BMPER: variants seen among roughly 807,000 people sequenced by gnomAD.
BMPER encodes BMP binding endothelial regulator, also known as BMP-binding endothelial regulator protein.
A neutral mutation model predicts 87.3 loss-of-function variants in BMPER; 45 were observed. The observed-to-expected ratio is 0.52, with a 90% CI of 0.41 to 0.66. The LOEUF is 0.66. BMPER is among the 30% of genes least tolerant of loss of function. The probability of loss-of-function intolerance (pLI) is 0.00; values close to 1 mark genes in which losing one functional copy is unlikely to be tolerated. For missense variants in BMPER, 784 were observed against 867.5 expected, an observed-to-expected ratio of 0.90 and a Z score of 1.21; for synonymous variants, 326 against 316.2, an observed-to-expected ratio of 1.03 and a Z score of -0.33.
At chr7:33,970,247 TCTC>T (rs756000829) in intron 4 of BMPER, 79 bp from the exon 5 acceptor site, 10 of 1,405,916 alleles carry the variant, frequency 7.1e-6, no homozygotes, top group East Asian at 2.3e-5. Context: ...CTTGAGCACT[TCTC>T]CTACTTAGGT....
At chr7:33,924,589 A>G (rs1249350694) in intron 2 of BMPER, among the ~76,000 whole-genome samples, 1 of 152,224 alleles carries the variant, frequency 6.6e-6, no homozygotes, top group Non-Finnish European at 1.5e-5. Flanking sequence ...TATCCAATAT[A>G]TTGACGTATT....
intron 6 of BMPER, among the ~76,000 whole-genome samples, chr7:33,980,063 C>CT (rs1389364525): frequency 6.6e-6 from 1 of 152,182 alleles, no homozygotes; most frequent in Non-Finnish European, 1.5e-5. Context: ...ATTTCACAAC[C>CT]TTTTGCTCTT....
chr7:33,958,077 T>G (rs1268803591), intron 3 of BMPER, among the ~76,000 whole-genome samples: 6 of 152,292 alleles, frequency 3.9e-5, no homozygotes, highest in South Asian at 2.1e-4. Context: ...TTGTTGGTTG[T>G]TTGTTGTCTT....
intron 6 of BMPER, among the ~76,000 whole-genome samples, chr7:34,012,363 G>T (rs904255870): frequency 6.6e-6 from 1 of 151,934 alleles, no homozygotes; most frequent in African/African-American, 2.4e-5. Context: ...GGGATAGGTA[G>T]AAACCAAATG....
At chr7:34,110,782 G>A (rs890909427) in intron 13 of BMPER, among the ~76,000 whole-genome samples, 6 of 152,090 alleles carry the variant, frequency 3.9e-5, no homozygotes, top group African/African-American at 1.4e-4. Flanking sequence ...TTTATAATTG[G>A]AGTAATAAAT....
intron 6 of BMPER, among the ~76,000 whole-genome samples, chr7:33,995,885 T>C (rs1000118969): frequency 1.3e-5 from 2 of 152,166 alleles, no homozygotes; most frequent in African/African-American, 4.8e-5. Flanking sequence ...GAGGCCAGGG[T>C]GCCCTGGTGG....
At position 34,078,861 on chromosome 7, in the gene BMPER, C is replaced by G; in HGVS notation, c.1083C>G (p.Pro361=). The change falls in exon 12 of 15, where the codon CCC becomes CCG. Residue 361 remains proline, a synonymous_variant. Coordinates refer to ENST00000649409, the MANE Select transcript of BMPER (RefSeq NM_001365308.1). ...TTGTCTCTCACTCCTCCGCAGAGCC[C>G]GGCGTTTGCACGGTGTTTGGAGATC... ...KGCCPICTEK[P]GVCTVFGDPH... is the part of the protein sequence containing the mutation. 3 of 1,614,034 alleles carry G rather than the reference C, an allele frequency of 1.9e-6. No homozygotes were observed. Among genetic ancestry groups the G allele is most frequent in the Non-Finnish European group, 2.5e-6 (3 of 1,180,002 alleles).
chr7:34,104,980 A>G (rs189531957), intron 13 of BMPER, among the ~76,000 whole-genome samples: 4 of 152,284 alleles, frequency 2.6e-5, no homozygotes, highest in African/African-American at 9.6e-5. Flanking sequence ...TTATTTGCTT[A>G]TTTTCAATGA....
In BMPER at chr7:33,937,348, G is replaced by A. The variant is rs2128609302; in HGVS notation, c.279G>A (p.Leu93=). The A allele has an allele frequency of 6.2e-7, 1 of 1,614,180 alleles. No individual in the cohort carries two copies. Among genetic ancestry groups the A allele is most frequent in the Non-Finnish European group, 8.5e-7 (1 of 1,180,020 alleles). ...KCPVLSRDCA[L]AIKQRGACCE... is the part of the protein sequence containing the mutation. ...CCGTGCTGTCCCGAGACTGTGCCCT[G>A]GCCATCAAGCAGAGGGGAGCCTGTT... The change falls in exon 3 of 15, where the codon CTG becomes CTA. Residue 93 remains leucine, a synonymous_variant. Coordinates refer to ENST00000649409, the MANE Select transcript of BMPER (RefSeq NM_001365308.1).
At chr7:33,956,628 C>T (rs1785154254) in intron 3 of BMPER, among the ~76,000 whole-genome samples, 1 of 152,158 alleles carries the variant, frequency 6.6e-6, no homozygotes. Context: ...AGACCAACCA[C>T]TCCCCTTCCT....
chr7:34,107,100 TTTGGC>T (rs1789839062), intron 13 of BMPER, among the ~76,000 whole-genome samples: 1 of 152,234 alleles, frequency 6.6e-6, no homozygotes, highest in Non-Finnish European at 1.5e-5. Context: ...CTGTCCTTTC[TTTGGC>T]TTATTTCCCA....
intron 12 of BMPER, among the ~76,000 whole-genome samples, chr7:34,082,614 T>G (rs1199214705): frequency 2.0e-5 from 3 of 152,076 alleles, no homozygotes; most frequent in Non-Finnish European, 4.4e-5. Context: ...ATGTCACGAG[T>G]TTTGAGAAGG....
At chr7:34,068,181 G>A (rs2127968531) in intron 11 of BMPER, among the ~76,000 whole-genome samples, 1 of 152,330 alleles carries the variant, frequency 6.6e-6, no homozygotes, top group East Asian at 1.9e-4. Flanking sequence ...TGGTCAAATA[G>A]TGCTGTTAGC....
chr7:34,048,306 T>C (rs1211602917), intron 7 of BMPER, among the ~76,000 whole-genome samples: 2 of 152,166 alleles, frequency 1.3e-5, no homozygotes, highest in Admixed American at 1.3e-4. Flanking sequence ...CTAACAATGC[T>C]TGCCTTCCTG....
At chr7:33,942,266 ATAG>A (rs910029036) in intron 3 of BMPER, among the ~76,000 whole-genome samples, 1 of 152,168 alleles carries the variant, frequency 6.6e-6, no homozygotes, top group Non-Finnish European at 1.5e-5. Context: ...GCCCTGTATA[ATAG>A]TAGTCAGCAA....
chr7:33,908,125 A>G (rs1441701609), intron 2 of BMPER, among the ~76,000 whole-genome samples: 1 of 152,220 alleles, frequency 6.6e-6, no homozygotes, highest in East Asian at 1.9e-4. Flanking sequence ...ATGATCTTTT[A>G]GTAAATAATT....
intron 12 of BMPER, 102 bp downstream of exon 12, chr7:34,079,288 G>C: frequency 1.3e-6 from 2 of 1,487,316 alleles, no homozygotes; most frequent in Admixed American, 1.9e-5. Context: ...TTCCTCCTCC[G>C]AGCAAAAACC....
chr7:33,982,142 C>T (rs181494883), intron 6 of BMPER, among the ~76,000 whole-genome samples: 9 of 152,332 alleles, frequency 5.9e-5, no homozygotes, highest in Non-Finnish European at 1.0e-4. Context: ...TCTGTGGTCA[C>T]GTGGTGCCCA....
At chr7:34,010,259 C>G (rs955304601) in intron 6 of BMPER, among the ~76,000 whole-genome samples, 8 of 151,866 alleles carry the variant, frequency 5.3e-5, no homozygotes, top group Non-Finnish European at 1.0e-4. Context: ...ACTCCTTCCT[C>G]TATATGTAGT....
Sources: gnomAD v4.1 joint callset for allele counts (sites outside exome capture counted in the v4.1 genomes callset) on GRCh38, gnomAD v4.1.1 for gene constraint, MANE v1.5 for transcripts, NCBI Gene and HGNC (gene_info 2026-07-23, HGNC 2026-07-21) for gene names.